Variants in MAP4 observed in about 807,000 individuals in gnomAD.
MAP4 encodes the protein microtubule associated protein 4, also known as microtubule-associated protein 4.
A neutral mutation model predicts 170.2 loss-of-function variants in MAP4; 76 were observed. The observed-to-expected ratio is 0.45, with a 90% confidence interval of 0.37 to 0.54. The LOEUF is 0.54. Among genes scored for constraint, MAP4 ranks in the 20% least tolerant of loss-of-function variants. The probability of loss-of-function intolerance (pLI) is 0.00; values close to 1 mark genes in which losing one functional copy is unlikely to be tolerated. For synonymous variants in MAP4, 909 were observed against 994.5 expected (o/e 0.91, Z 1.62); for missense variants, 2,506 against 2,748.0 (o/e 0.91, Z 1.97).
intron 12 of MAP4, 45 bp downstream of exon 12, chr3:47,875,640 G>T (rs373073481): frequency 6.6e-7 from 1 of 1,521,954 alleles, no homozygotes; most frequent in African/African-American, 1.4e-5. Flanking sequence ...CTGACACTCA[G>T]AGGGGAACAA....
At chr3:48,087,697 G>A (rs1233286928) in intron 1 of MAP4, among the ~76,000 whole-genome samples, 1 of 151,204 alleles carries the variant, frequency 6.6e-6, no homozygotes, top group Non-Finnish European at 1.5e-5. Flanking sequence ...CGGGAGACGC[G>A]CGCGCGCGCA....
chr3:47,998,906 T>A, intron 1 of MAP4, 27 bp from the exon 2 acceptor site: 3 of 1,308,824 alleles, frequency 2.3e-6, no homozygotes, highest in Middle Eastern at 1.8e-4. Flanking sequence ...AGATCTTTCA[T>A]GTAACGAGCA....
intron 1 of MAP4, among the ~76,000 whole-genome samples, chr3:48,042,250 A>G (rs1016087947): frequency 6.6e-6 from 1 of 152,206 alleles, no homozygotes; most frequent in Non-Finnish European, 1.5e-5. Flanking sequence ...TGCTATCTCC[A>G]GGTTGATTAT....
chr3:48,084,050 T>A (rs2100147872), intron 1 of MAP4, among the ~76,000 whole-genome samples: 1 of 151,530 alleles, frequency 6.6e-6, no homozygotes, highest in African/African-American at 2.4e-5. Flanking sequence ...TTTTAACCTA[T>A]AAATAATCAC....
intron 3 of MAP4, among the ~76,000 whole-genome samples, chr3:47,944,727 C>T (rs1487038507): frequency 6.6e-6 from 1 of 151,846 alleles, no homozygotes. Flanking sequence ...ACAGTTAAAT[C>T]TCTGGCATCT....
chr3:47,966,173 A>G (rs2100074767), intron 3 of MAP4, among the ~76,000 whole-genome samples: 2 of 150,284 alleles, frequency 1.3e-5, no homozygotes, highest in Admixed American at 1.3e-4. Context: ...TCCTCAGCTC[A>G]AAGGATCCTC....
chr3:48,064,602 G>A lies in MAP4; in HGVS notation c.-20+24171C>T, dbSNP rs77300591. On this transcript the variant is annotated intron_variant, in intron 1 of 18. Transcript: ENST00000360240. Reference sequence around the variant, plus strand: ...GATAAATAGGTTCTGTTGAGCCAGCGGGCAAGGTGACCCCGTTGGGTGGTT... The same window carrying A: ...GATAAATAGGTTCTGTTGAGCCAGCAGGCAAGGTGACCCCGTTGGGTGGTT... 3.2e-3 allele frequency among the ~76,000 whole-genome samples: 489 copies of A among 152,190 alleles called. 4 individuals are homozygous for A. The highest frequency in any genetic ancestry group is 0.01 in the African/African-American group (424 of 41,528).
In MAP4 at chr3:47,918,731, G is replaced by A. The variant is rs1231026190; in HGVS notation, c.640C>T (p.Gln214Ter). The A allele has an allele frequency of 1.2e-6, 2 of 1,610,286 alleles. No individual in the cohort carries two copies. The highest frequency in any genetic ancestry group is 1.1e-5 in the South Asian group (1 of 90,990). Reference sequence around the variant, plus strand: ...TCTAATAGTTTACCTGCCGTTGGCTGAGGAGGTTCTGCAACAGCCTCTGGG... The same window carrying A: ...TCTAATAGTTTACCTGCCGTTGGCTAAGGAGGTTCTGCAACAGCCTCTGGG... ...VSPEAVAEPPQPTAVPLELAK... is the reference protein window; with the variant it reads ...VSPEAVAEPP Residue 214 changes from glutamine (Q) to a stop codon, truncating the protein, a stop_gained, in exon 6 of 21, where the codon CAG becomes TAG. Coordinates refer to ENST00000683076, the MANE Select transcript of MAP4 (RefSeq NM_001385682.1). LOFTEE classifies it high-confidence loss of function.
At chr3:47,858,308 C>G (rs563127179) in intron 17 of MAP4, among the ~76,000 whole-genome samples, 2 of 151,986 alleles carry the variant, frequency 1.3e-5, no homozygotes, top group Non-Finnish European at 2.9e-5. Flanking sequence ...CCACCACGCC[C>G]GGCCACCAGC....
chr3:48,017,272 T>C (rs551118969), upstream of MAP4, among the ~76,000 whole-genome samples: 1 of 152,202 alleles, frequency 6.6e-6, no homozygotes, highest in African/African-American at 2.4e-5. Context: ...AGTTTTGTAG[T>C]TTCTGCTTTT....
At chr3:47,879,998 G>A (rs2152571182) in intron 10 of MAP4, among the ~76,000 whole-genome samples, 1 of 152,268 alleles carries the variant, frequency 6.6e-6, no homozygotes, top group Non-Finnish European at 1.5e-5. Context: ...AGTTAAATAA[G>A]TTCCTCTCTA....
intron 2 of MAP4, 67 bp from the exon 3 acceptor site, chr3:47,978,000 T>G: frequency 1.0e-6 from 1 of 1,002,018 alleles, no homozygotes; most frequent in Non-Finnish European, 1.6e-6. Context: ...CCAACCACTG[T>G]CTTATTAATG....
intron 6 of MAP4, 98 bp from the exon 7 acceptor site, chr3:47,917,272 A>G (rs2100040188): frequency 4.3e-6 from 4 of 935,732 alleles, no homozygotes; most frequent in Non-Finnish European, 5.0e-6. Flanking sequence ...TTTTGTGACC[A>G]TAAGACTGTA....
intron 1 of MAP4, among the ~76,000 whole-genome samples, chr3:48,021,903 T>G (rs915896275): frequency 6.6e-6 from 1 of 152,048 alleles, no homozygotes; most frequent in African/African-American, 2.4e-5. Context: ...TAAAAATACA[T>G]AAATATAGTA....
At chr3:47,889,115 T>C (rs149642383) in intron 10 of MAP4, among the ~76,000 whole-genome samples, 94 of 152,302 alleles carry the variant, frequency 6.2e-4, no homozygotes, top group African/African-American at 2.1e-3. Context: ...CAAAAAGAGA[T>C]GACAGAGGAA....
chr3:47,909,013 A>G lies in MAP4; in HGVS notation c.5383+25T>C. The stretch of plus-strand genomic sequence containing the variant: ...GCTGACTCAAAAGCCACAAGCACAC[A>G]CATTTCCCCATGGCAGGTTCATACC... On this transcript the variant is annotated intron_variant, in intron 9 of 20. Coordinates refer to ENST00000683076, the MANE Select transcript of MAP4 (RefSeq NM_001385682.1). The G allele has an allele frequency of 2.5e-6, 4 of 1,593,452 alleles. No homozygotes were observed. In the South Asian group the frequency reaches 4.6e-5, roughly 18 times the overall value.
intron 1 of MAP4, among the ~76,000 whole-genome samples, chr3:48,005,736 G>A (rs1487037298): frequency 2.6e-5 from 4 of 152,178 alleles, no homozygotes; most frequent in African/African-American, 9.7e-5. Flanking sequence ...GGGTCCAGAA[G>A]ATATACCCTT....
rs1460945439 is a variant in MAP4, at chr3:47,916,318, C to T, written c.1509G>A (p.Leu503=). 6.2e-7 allele frequency: 1 copy of T among 1,614,204 alleles called. No individual in the cohort carries two copies. ...APSTVKEVGL[L]KDMSPLSETE... is the part of the protein sequence containing the mutation. ...TTTCTGATAGTGGAGACATGTCCTT[C>T]AACAAGCCCACTTCTTTTACTGTGG... Residue 503 remains leucine (L), a synonymous_variant, in exon 7 of 21, where the codon TTG becomes TTA. Coordinates refer to ENST00000683076, the MANE Select transcript of MAP4 (RefSeq NM_001385682.1).
At chr3:47,945,144 G>C (rs1578096381) in intron 3 of MAP4, among the ~76,000 whole-genome samples, 1 of 151,752 alleles carries the variant, frequency 6.6e-6, no homozygotes, top group African/African-American at 2.4e-5. Flanking sequence ...CCTGAGGTCA[G>C]GAGTTCGAGA....
Sources: allele counts gnomAD v4.1 joint callset (sites outside exome capture counted in the v4.1 genomes callset), GRCh38; gene constraint gnomAD v4.1.1; transcripts MANE v1.5; gene names NCBI Gene and HGNC (gene_info 2026-07-23, HGNC 2026-07-21).